SLC10A7: variants seen among roughly 807,000 people sequenced by gnomAD.
The protein encoded by SLC10A7 is solute carrier family 10 member 7.
In SLC10A7, 29 loss-of-function variants were observed where a neutral mutation model predicts 43.2. The observed-to-expected ratio is 0.67, with a 90% CI of 0.50 to 0.92. The LOEUF is 0.92. Ranked by LOEUF, SLC10A7 falls within the 40% of genes least tolerant of loss-of-function variation. SLC10A7 has a pLI of 0.00. For missense variants in SLC10A7, 295 were observed against 403.2 expected (o/e 0.73, Z 2.30); for synonymous variants, 152 against 144.8 (o/e 1.05, Z -0.35).
rs368990285 is a variant in SLC10A7, at chr4:146,494,074, A to G, written c.396+9775T>C. Among the ~76,000 whole-genome samples, 4 of 152,226 alleles carry G rather than the reference A, an allele frequency of 2.6e-5. No individual in the cohort carries two copies. The East Asian group carries it at 5.8e-4, about 22-fold the overall frequency. On this transcript the variant is annotated intron_variant, in intron 4 of 11. Coordinates refer to ENST00000335472, the MANE Select transcript of SLC10A7 (RefSeq NM_001029998.6). ...ATTTCATCAGTGATAAACCTCTGCA[A>G]TGATAATAATGCTGATGCTTACTTG...
chr4:146,506,079 T>A (rs938582002), intron 3 of SLC10A7, among the ~76,000 whole-genome samples: 2 of 152,164 alleles, frequency 1.3e-5, no homozygotes. Context: ...TCAGGCATTT[T>A]CAATCTTTTT....
chr4:146,472,428 C>T (rs1733646098), intron 4 of SLC10A7, among the ~76,000 whole-genome samples: 1 of 141,510 alleles, frequency 7.1e-6, no homozygotes, highest in Admixed American at 7.6e-5. Flanking sequence ...TCTGTGCAGG[C>T]TTATTCTGTT....
chr4:146,397,188 C>T (rs527586287), intron 5 of SLC10A7, among the ~76,000 whole-genome samples: 9 of 152,054 alleles, frequency 5.9e-5, no homozygotes, highest in Admixed American at 1.3e-4. Flanking sequence ...TTTACTCTCC[C>T]CAAACATTAC....
chr4:146,307,536 C>G (rs533206821), intron 6 of SLC10A7, among the ~76,000 whole-genome samples: 1 of 152,094 alleles, frequency 6.6e-6, no homozygotes, highest in Non-Finnish European at 1.5e-5. Flanking sequence ...ATTCTCTCCA[C>G]AAATATTAAC....
chr4:146,487,117 T>C (rs1374981760), intron 4 of SLC10A7, among the ~76,000 whole-genome samples: 1 of 152,204 alleles, frequency 6.6e-6, no homozygotes, highest in African/African-American at 2.4e-5. Context: ...TTCTCTTGTA[T>C]CTTTCAGCCA....
intron 4 of SLC10A7, among the ~76,000 whole-genome samples, chr4:146,501,870 T>A (rs2150027281): frequency 6.6e-6 from 1 of 152,292 alleles, no homozygotes; most frequent in East Asian, 1.9e-4. Flanking sequence ...CATCAGCATA[T>A]CCTGTACCTT....
chr4:146,473,767 T>TA (rs1425018198), intron 4 of SLC10A7, among the ~76,000 whole-genome samples: 9 of 152,060 alleles, frequency 5.9e-5, no homozygotes, highest in African/African-American at 1.9e-4. Context: ...GGTATTTTAA[T>TA]AAAAAAATGG....
intron 4 of SLC10A7, among the ~76,000 whole-genome samples, chr4:146,491,952 T>A (rs1372527170): frequency 1.3e-5 from 2 of 152,092 alleles, no homozygotes; most frequent in African/African-American, 4.8e-5. Context: ...GTGCGGTGGG[T>A]CACGCCTGTA....
At position 146,444,723 on chromosome 4, in the gene SLC10A7, A is replaced by G. The variant is rs571543820; in HGVS notation, c.397-1902T>C. Among the ~76,000 whole-genome samples, 468 of 152,300 alleles carry G rather than the reference A, an allele frequency of 3.1e-3. 2 individuals carry two copies. Among genetic ancestry groups the G allele is most frequent in the African/African-American group, 0.01 (436 of 41,568 alleles). On this transcript the variant is annotated intron_variant, in intron 4 of 11. Transcript: ENST00000335472. ...CCAACTCATTCTTAGTTGTTTGCCAACAGTGGTGATGGATTTGAACTCACT... is the reference window on the plus strand; with the variant it reads ...CCAACTCATTCTTAGTTGTTTGCCAGCAGTGGTGATGGATTTGAACTCACT...
At chr4:146,505,205 C>T (rs895653858) in intron 3 of SLC10A7, among the ~76,000 whole-genome samples, 12 of 152,142 alleles carry the variant, frequency 7.9e-5, no homozygotes, top group Non-Finnish European at 1.6e-4. Flanking sequence ...CCTGAGACAG[C>T]AAGACTTCTT....
At chr4:146,394,595 C>A (rs1369308136) in intron 5 of SLC10A7, among the ~76,000 whole-genome samples, 1 of 152,166 alleles carries the variant, frequency 6.6e-6, no homozygotes. Context: ...CTCCTGAGCT[C>A]AGGCAATTCA....
chr4:146,282,447 T>C (rs1249375171), intron 10 of SLC10A7, among the ~76,000 whole-genome samples: 1 of 152,178 alleles, frequency 6.6e-6, no homozygotes, highest in African/African-American at 2.4e-5. Context: ...GAGAAATTTT[T>C]AATATGAGTT....
rs886808242 is a variant in SLC10A7 at position 146,322,370 on chromosome 4, C to T, written c.471+3591G>A. 2.6e-5 allele frequency among the ~76,000 whole-genome samples: 3 copies of T among 116,100 alleles called. 1 individual carries two copies. Among genetic ancestry groups the T allele is most frequent in the Non-Finnish European group, 5.3e-5 (3 of 56,268 alleles). 76.2% of individuals were successfully genotyped at this position (116,100 alleles called of 152,430 possible). Reference sequence around the variant, plus strand: ...TATCTCCTAATGCTATCCCTCCCCCCTCCCCCACCCCATAACAGGCCCCAG... The same window carrying T: ...TATCTCCTAATGCTATCCCTCCCCCTTCCCCCACCCCATAACAGGCCCCAG... On this transcript the variant is annotated intron_variant, in intron 6 of 11. Coordinates refer to ENST00000335472, the MANE Select transcript of SLC10A7 (RefSeq NM_001029998.6).
chr4:146,385,126 G>C (rs1477293964), intron 5 of SLC10A7, among the ~76,000 whole-genome samples: 1 of 151,928 alleles, frequency 6.6e-6, no homozygotes, highest in Non-Finnish European at 1.5e-5. Context: ...CAGTTGCCAA[G>C]TCTAGTTGAT....
chr4:146,474,838 A>G (rs1430392834), intron 4 of SLC10A7, among the ~76,000 whole-genome samples: 1 of 152,194 alleles, frequency 6.6e-6, no homozygotes, highest in African/African-American at 2.4e-5. Context: ...GTGATATACT[A>G]ATTTTAAAAT....
At chr4:146,266,073 A>G (rs150908245) in intron 10 of SLC10A7, among the ~76,000 whole-genome samples, 27 of 152,284 alleles carry the variant, frequency 1.8e-4, no homozygotes, top group Non-Finnish European at 1.9e-4. Context: ...GCTTTCTCTG[A>G]CTTTTCACTG....
intron 5 of SLC10A7, among the ~76,000 whole-genome samples, chr4:146,327,486 C>T (rs1234912127): frequency 1.3e-5 from 2 of 152,114 alleles, no homozygotes; most frequent in South Asian, 2.1e-4. Flanking sequence ...TAAGTTCAGA[C>T]TTTAGGAGGA....
At chr4:146,302,489 T>C (rs562861625) in intron 7 of SLC10A7, among the ~76,000 whole-genome samples, 32 of 152,336 alleles carry the variant, frequency 2.1e-4, no homozygotes, top group African/African-American at 6.7e-4. Flanking sequence ...TAAACATAAG[T>C]ATATTTTGTG....
chr4:146,413,862 A>C (rs1008031192), intron 5 of SLC10A7, among the ~76,000 whole-genome samples: 1 of 152,194 alleles, frequency 6.6e-6, no homozygotes, highest in Non-Finnish European at 1.5e-5. Flanking sequence ...AGATTTTTCT[A>C]AAGTCCTTAA....
Sources: gnomAD v4.1 joint callset for allele counts (sites outside exome capture counted in the v4.1 genomes callset) on GRCh38, gnomAD v4.1.1 for gene constraint, MANE v1.5 for transcripts, NCBI Gene and HGNC (gene_info 2026-07-23, HGNC 2026-07-21) for gene names.